PHF20: variants seen among roughly 807,000 people sequenced by gnomAD.
PHF20 encodes the protein glioma-expressed antigen 2.
A neutral mutation model predicts 113.5 loss-of-function variants in PHF20; 23 were observed. The observed-to-expected ratio is 0.20, with a 90% CI of 0.15 to 0.29. The LOEUF (loss-of-function observed/expected upper bound fraction) is 0.29, where lower values mean the gene tolerates loss of function less well. Ranked by LOEUF, PHF20 falls within the 10% of genes least tolerant of loss-of-function variation. The pLI is 1.00. For synonymous variants in PHF20, 434 were observed against 457.3 expected (o/e 0.95, Z 0.65); for missense variants, 943 against 1,219.6 (o/e 0.77, Z 3.38).
intron 4 of PHF20, chr20:35,851,056 A>G (rs1234935337): frequency 8.8e-6 from 3 of 342,052 alleles, no homozygotes; most frequent in East Asian, 1.3e-4. Context: ...AGCCTCCCGA[A>G]TCTCCCCTTT....
At position 35,940,889 on chromosome 20, in the gene PHF20, C is replaced by A. The variant is rs772308113; in HGVS notation, c.2738C>A (p.Ala913Asp). The A allele has an allele frequency of 8.1e-6, 13 of 1,613,724 alleles. No individual in the cohort carries two copies. Among genetic ancestry groups the A allele is most frequent in the Non-Finnish European group, 1.1e-5 (13 of 1,179,816 alleles). Residue 913 changes from alanine (A) to aspartate (D), a missense_variant, in exon 17 of 18, where the codon GCC becomes GAC. By Grantham distance (126) the Ala-to-Asp change is moderately radical. Around this residue, in one of 3 missense-constraint regions of PHF20, gnomAD observed 349 missense variants for 412.3 expected, o/e 0.85. Transcript: ENST00000374012. ...PKVKEYVSKKALPEEAPARKL... is the reference protein window; with the variant it reads ...PKVKEYVSKKDLPEEAPARKL... ...GTGAAGGAATATGTCTCCAAAAAGG[C>A]CCTACCAGAAGAAGCCCCTGCTCGG... is the stretch of plus-strand genomic sequence containing the variant.
intron 12 of PHF20, among the ~76,000 whole-genome samples, chr20:35,915,553 AT>A (rs917615054): frequency 2.6e-5 from 4 of 151,578 alleles, no homozygotes; most frequent in African/African-American, 7.3e-5. Flanking sequence ...CGCCTGGCTA[AT>A]TTTTGTATTT....
At chr20:35,802,332 T>C (rs754399532) in intron 2 of PHF20, among the ~76,000 whole-genome samples, 5 of 151,984 alleles carry the variant, frequency 3.3e-5, no homozygotes, top group Admixed American at 6.6e-5. Context: ...TCAGAACTTA[T>C]ACCTCTTTAA....
chr20:35,789,142 G>A (rs1421355283), intron 1 of PHF20, among the ~76,000 whole-genome samples: 1 of 152,122 alleles, frequency 6.6e-6, no homozygotes, highest in African/African-American at 2.4e-5. Context: ...TTGGCCAGGT[G>A]CAGTGGCTTA....
chr20:35,935,693 G>C (rs570861230), intron 15 of PHF20, among the ~76,000 whole-genome samples: 2 of 152,130 alleles, frequency 1.3e-5, no homozygotes, highest in Non-Finnish European at 2.9e-5. Context: ...TCCTCATCTA[G>C]ATCCTCCATC....
intron 13 of PHF20, among the ~76,000 whole-genome samples, chr20:35,926,496 C>T (rs552552507): frequency 1.3e-5 from 2 of 152,190 alleles, no homozygotes; most frequent in Admixed American, 1.3e-4. Flanking sequence ...GCCTCGGCCT[C>T]CCAAAGTGCT....
intron 10 of PHF20, among the ~76,000 whole-genome samples, chr20:35,901,709 T>A (rs570671689): frequency 2.6e-4 from 39 of 152,334 alleles, no homozygotes; most frequent in African/African-American, 9.4e-4. Context: ...ACTGTGGTTA[T>A]CCATCATTTT....
chr20:35,867,504 G>A (rs572420566), intron 6 of PHF20, among the ~76,000 whole-genome samples: 1 of 152,226 alleles, frequency 6.6e-6, no homozygotes, highest in South Asian at 2.1e-4. Context: ...CAAGTGATCT[G>A]CCTGTCTCTG....
At chr20:35,823,148 CA>C (rs2042199889) in intron 2 of PHF20, among the ~76,000 whole-genome samples, 1 of 151,664 alleles carries the variant, frequency 6.6e-6, no homozygotes, top group Admixed American at 6.6e-5. Context: ...TACAAAAGTA[CA>C]AAAAAAGTAC....
chr20:35,772,093 C>G lies in PHF20; in HGVS notation c.-33+14C>G, dbSNP rs8125090. 38,550 of 150,158 alleles carry G rather than the reference C, an allele frequency of 0.26. 5,754 individuals are homozygous for G. The highest frequency in any genetic ancestry group is 0.42 in the African/African-American group (17,128 of 41,160). 9.3% of individuals were successfully genotyped at this position (150,158 alleles called of 1,614,324 possible). On this transcript the variant is annotated intron_variant, in intron 1 of 17. Coordinates refer to ENST00000374012, the MANE Select transcript of PHF20 (RefSeq NM_016436.5). ...TGGGGCCGTGAGGTGAGCTCGCGGC[C>G]AGGCGAAGCCGGCCGGCCGGGCCGG...
intron 2 of PHF20, among the ~76,000 whole-genome samples, chr20:35,807,972 A>G (rs564112372): frequency 6.6e-6 from 1 of 152,056 alleles, no homozygotes; most frequent in Non-Finnish European, 1.5e-5. Context: ...AGATTCTGTA[A>G]TTATATGCAG....
intron 1 of PHF20, among the ~76,000 whole-genome samples, chr20:35,786,712 C>T (rs1225837511): frequency 1.3e-5 from 2 of 152,040 alleles, no homozygotes; most frequent in Non-Finnish European, 2.9e-5. Flanking sequence ...AAACTCACTC[C>T]AGAGCTATAG....
At chr20:35,943,165 G>A (rs937313247) in intron 17 of PHF20, among the ~76,000 whole-genome samples, 1 of 151,988 alleles carries the variant, frequency 6.6e-6, no homozygotes, top group African/African-American at 2.4e-5. Context: ...TAGGAATTTG[G>A]ATGTAACATT....
intron 12 of PHF20, 149 bp from the exon 13 acceptor site, chr20:35,917,335 A>G (rs779715832): frequency 5.2e-6 from 4 of 767,208 alleles, no homozygotes; most frequent in African/African-American, 1.7e-5. Flanking sequence ...TGACAGATCC[A>G]AGGACAGATT....
chr20:35,940,484 A>G (rs770282975), intron 16 of PHF20, among the ~76,000 whole-genome samples: 2 of 151,784 alleles, frequency 1.3e-5, no homozygotes, highest in Non-Finnish European at 2.9e-5. Flanking sequence ...AGACTCGCAC[A>G]TTCGCAGGAG....
rs1199949692 is a variant in PHF20, at chr20:35,895,845, C to T, written c.1283-3525C>T. On this transcript the variant is annotated intron_variant, in intron 9 of 17. Transcript: ENST00000374012. ...GGATTATAGATGCATGCCACCACGC[C>T]CAGCTAATTTTTTATATTTTTAGTG... 2.6e-5 allele frequency among the ~76,000 whole-genome samples: 4 copies of T among 152,036 alleles called. No individual in the cohort carries two copies. The East Asian group carries it at 7.7e-4, about 29-fold the overall frequency.
At chr20:35,866,963 C>T (rs984527532) in intron 6 of PHF20, among the ~76,000 whole-genome samples, 2 of 152,166 alleles carry the variant, frequency 1.3e-5, no homozygotes, top group African/African-American at 2.4e-5. Context: ...CAGTTCTTTT[C>T]CAGTCAGACT....
chr20:35,935,021 T>A (rs1418739388), intron 15 of PHF20, among the ~76,000 whole-genome samples: 1 of 151,764 alleles, frequency 6.6e-6, no homozygotes, highest in East Asian at 1.9e-4. Flanking sequence ...TATATTTCTT[T>A]AAAAAAAAAT....
chr20:35,853,580 A>G (rs2042777413), intron 4 of PHF20, among the ~76,000 whole-genome samples: 1 of 152,032 alleles, frequency 6.6e-6, no homozygotes, highest in African/African-American at 2.4e-5. Flanking sequence ...ATGCCCCGCT[A>G]TCTCTACAAA....
Sources: gnomAD v4.1 joint callset for allele counts (sites outside exome capture counted in the v4.1 genomes callset) on GRCh38, gnomAD v4.1.1 for gene constraint, gnomAD v4.1.1 regional missense constraint, MANE v1.5 for transcripts, NCBI Gene and HGNC (gene_info 2026-07-23, HGNC 2026-07-21) for gene names.